The following IGFN1 variants were observed in gnomAD, a reference collection of about 807,000 sequenced individuals.
IGFN1 encodes immunoglobulin like and fibronectin type III domain containing 1.
Under a neutral mutation model 289.5 loss-of-function variants are expected in IGFN1, and 253 were observed. The observed-to-expected ratio is 0.87, with a 90% CI of 0.79 to 0.97. The LOEUF (loss-of-function observed/expected upper bound fraction) is 0.97, where lower values mean the gene tolerates loss of function less well. IGFN1 is among the 50% of genes least tolerant of loss of function. IGFN1 has a pLI of 0.00. For synonymous variants in IGFN1, 1,706 were observed against 1,788.5 expected, an observed-to-expected ratio of 0.95 and a Z score of 1.16; for missense variants, 4,470 against 4,686.1, an observed-to-expected ratio of 0.95 and a Z score of 1.35.
chr1:201,212,846 C>T lies in IGFN1; in HGVS notation c.7953C>T (p.Ser2651=), dbSNP rs137917527. 45 of 1,551,246 alleles carry T rather than the reference C, an allele frequency of 2.9e-5. No individual in the cohort carries two copies. Among genetic ancestry groups the T allele is most frequent in the Middle Eastern group, 1.7e-4 (1 of 5,986 alleles). Residue 2651 remains serine, a synonymous_variant, in exon 12 of 24, where the codon TCC becomes TCT. Coordinates refer to ENST00000335211, the MANE Select transcript of IGFN1 (RefSeq NM_001164586.2). The stretch of plus-strand genomic sequence containing the variant: ...AGCAGCCCGCAGGCTCCAGAGCTTC[C>T]GGTTCTCTGCAGGAGAAAGATGCCG... The part of the protein sequence containing the change: ...AGKQPAGSRA[S]GSLQEKDAAF...
rs1321069109 is a variant in IGFN1 at position 201,221,301 on chromosome 1, G to A, written c.9899-143G>A. Reference sequence around the variant, plus strand: ...GGTTACAGTAAGAATTTGGAACAAGGTAGGTGCTTCAGGAAGAATCTAAAG... The same window carrying A: ...GGTTACAGTAAGAATTTGGAACAAGATAGGTGCTTCAGGAAGAATCTAAAG... On this transcript the variant is annotated intron_variant, in intron 18 of 23. Coordinates refer to ENST00000335211, the MANE Select transcript of IGFN1 (RefSeq NM_001164586.2). The A allele has an allele frequency of 7.7e-6, 5 of 648,642 alleles. No individual in the cohort carries two copies. The East Asian group carries it at 1.2e-4, about 15-fold the overall frequency. 40.2% of individuals were successfully genotyped at this position (648,642 alleles called of 1,614,324 possible).
intron 7 of IGFN1, 68 bp downstream of exon 7, chr1:201,199,722 A>C: frequency 7.1e-7 from 1 of 1,399,510 alleles, no homozygotes; most frequent in Non-Finnish European, 9.8e-7. Flanking sequence ...CTATTTCCAT[A>C]AGTAAGCTGG....
At chr1:201,222,577 T>C (rs1653801182) in intron 19 of IGFN1, 162 bp from the exon 20 acceptor site, 1 of 533,308 alleles carries the variant, frequency 1.9e-6, no homozygotes, top group African/African-American at 1.9e-5. Flanking sequence ...AAGATTCTGC[T>C]CCCAGCTGTA....
At chr1:201,217,158 C>A in intron 16 of IGFN1, 129 bp from the exon 17 acceptor site, 1 of 809,990 alleles carries the variant, frequency 1.2e-6, no homozygotes, top group Non-Finnish European at 2.0e-6. Flanking sequence ...CTGCCTCAGC[C>A]CCGACACTCA....
At position 201,210,924 on chromosome 1, in the gene IGFN1, G is replaced by A. The variant is rs1373001007; in HGVS notation, c.6031G>A (p.Gly2011Arg). The A allele has an allele frequency of 2.1e-6, 2 of 966,068 alleles. No individual in the cohort carries two copies. Among genetic ancestry groups the A allele is most frequent in the African/African-American group, 3.2e-5 (2 of 63,422 alleles). The allele number at this position is 966,068 out of a possible 1,614,324, so 59.8% of individuals were successfully genotyped here. A position where few individuals can be genotyped will look rare whatever the true frequency, so the allele number is the denominator to read the frequency against. ...GGGGGCTCCTGAGGGAATAGGTTCA[G>A]GGAGTAAGGCAGGTTTCAGGGATGG... ...DLGAPEGIGS[G>R]SKAGFRDGLG... Residue 2011 changes from glycine to arginine, a missense_variant, in exon 12 of 24, where the codon GGG becomes AGG. Coordinates refer to ENST00000335211, the MANE Select transcript of IGFN1 (RefSeq NM_001164586.2).
chr1:201,212,484 A>G lies in IGFN1; in HGVS notation c.7591A>G (p.Lys2531Glu), dbSNP rs1375169720. ...GGGGGCTTCTGGGTTTCTTGATGGCAAGGGGGCAGTGGAAGGTGAGACCTG... is the reference window on the plus strand; with the variant it reads ...GGGGGCTTCTGGGTTTCTTGATGGCGAGGGGGCAGTGGAAGGTGAGACCTG... ...IMGASGFLDG[K>E]GAVEGETWAG... Residue 2531 changes from lysine to glutamate, a missense_variant, in exon 12 of 24, where the codon AAG (lysine) becomes GAG (glutamate). Coordinates refer to ENST00000335211, the MANE Select transcript of IGFN1 (RefSeq NM_001164586.2). The G allele has an allele frequency of 9.1e-6, 14 of 1,541,088 alleles. No individual in the cohort carries two copies. The highest frequency in any genetic ancestry group is 1.2e-5 in the Non-Finnish European group (14 of 1,146,802).
In IGFN1 at chr1:201,206,668, C is replaced by T. The variant is rs566299373; in HGVS notation, c.1775C>T (p.Ala592Val). The T allele has an allele frequency of 5.9e-6, 9 of 1,537,122 alleles. No individual in the cohort carries two copies. Among genetic ancestry groups the T allele is most frequent in the Non-Finnish European group, 7.0e-6 (8 of 1,146,890 alleles). Reference protein sequence around the residue: ...GDSGRQLDRHAPEQLWDARLG... With the variant: ...GDSGRQLDRHVPEQLWDARLG... ...AGTGGAAGACAACTGGACAGGCATG[C>T]CCCAGAGCAACTGTGGGATGCTCGA... is the stretch of plus-strand genomic sequence containing the variant. Residue 592 changes from alanine (A) to valine (V), a missense_variant, in exon 12 of 24, where the codon GCC becomes GTC. This residue lies in a region of IGFN1 where 2,011 missense variants were observed against 1,953.4 expected (regional missense o/e 1.03). Transcript: ENST00000335211.
chr1:201,197,330 C>G lies in IGFN1; in HGVS notation c.367+13C>G. ...ACTGTCATCGAAGGTGGGCTTTTCC[C>G]TGAGTTTGTCTCATCAGTGCACAGG... On this transcript the variant is annotated intron_variant, in intron 5 of 23. Coordinates refer to ENST00000335211, the MANE Select transcript of IGFN1 (RefSeq NM_001164586.2). The G allele has an allele frequency of 1.3e-6, 2 of 1,507,296 alleles. No homozygotes were observed. The allele number at this position is 1,507,296 out of a possible 1,614,324, so 93.4% of individuals were successfully genotyped here.
Position 201,224,711 on chromosome 1 carries a change from G to C in IGFN1, c.10323G>C (p.Lys3441Asn). 1 of 1,614,194 alleles carries C rather than the reference G, an allele frequency of 6.2e-7. No homozygotes were observed. The highest frequency in any genetic ancestry group is 8.5e-7 in the Non-Finnish European group (1 of 1,180,026). Residue 3441 changes from lysine to asparagine, a missense_variant, in exon 21 of 24, where the codon AAG (lysine) becomes AAC (asparagine). Lys to Asn is a moderately conservative substitution (Grantham distance 94). Coordinates refer to ENST00000335211, the MANE Select transcript of IGFN1 (RefSeq NM_001164586.2). ...AMPMPEVTWL[K>N]DGLPLPKRSV... ...CCATGCCTGAGGTGACCTGGCTGAA[G>C]GATGGCTTGCCCTTGCCCAAAAGAA...
At chr1:201,203,517 A>T (rs1667250639) in intron 9 of IGFN1, among the ~76,000 whole-genome samples, 1 of 152,174 alleles carries the variant, frequency 6.6e-6, no homozygotes, top group African/African-American at 2.4e-5. Context: ...CACTCCATGG[A>T]CATTCCTAGA....
At position 201,209,941 on chromosome 1, in the gene IGFN1, G is replaced by T; in HGVS notation, c.5048G>T (p.Gly1683Val). 1.1e-5 allele frequency: 16 copies of T among 1,480,090 alleles called. No homozygotes were observed. Among genetic ancestry groups the T allele is most frequent in the Non-Finnish European group, 1.4e-5 (16 of 1,104,322 alleles). 91.7% of individuals were successfully genotyped at this position (1,480,090 alleles called of 1,614,324 possible). A position where few individuals can be genotyped will look rare whatever the true frequency, so the allele number is the denominator to read the frequency against. The change falls in exon 12 of 24, where the codon GGA becomes GTA. Residue 1683 changes from glycine to valine, a missense_variant. Around this residue, in one of 8 missense-constraint regions of IGFN1, gnomAD observed 49 missense variants for 62.6 expected, o/e 0.78. Coordinates refer to ENST00000335211, the MANE Select transcript of IGFN1 (RefSeq NM_001164586.2). ...GYRKNLGAPE[G>V]IGSGSKAGFR... ...AGGAAGAATTTGGGGGCTCCTGAGG[G>T]AATAGGTTCAGGGAGTAAGGCAGGT... is the stretch of plus-strand genomic sequence containing the variant.
In IGFN1 at chr1:201,203,877, T is replaced by G; in HGVS notation, c.887T>G (p.Val296Gly). 1 of 1,551,652 alleles carries G rather than the reference T, an allele frequency of 6.4e-7. No individual in the cohort carries two copies. Among genetic ancestry groups the G allele is most frequent in the Non-Finnish European group, 8.7e-7 (1 of 1,146,974 alleles). Residue 296 changes from valine (V) to glycine (G), a missense_variant, in exon 10 of 24, where the codon GTG becomes GGG. This residue lies in a region of IGFN1 where 2,011 missense variants were observed against 1,953.4 expected (regional missense o/e 1.03). Coordinates refer to ENST00000335211, the MANE Select transcript of IGFN1 (RefSeq NM_001164586.2). Reference protein sequence around the residue: ...GIYQVKVEDAVVFSTELEASA... With the variant: ...GIYQVKVEDAGVFSTELEASA... Reference sequence around the variant, plus strand: ...TACCAGGTCAAGGTGGAGGATGCTGTGGTCTTCTCCACAGAACTGGAGGCC... The same window carrying G: ...TACCAGGTCAAGGTGGAGGATGCTGGGGTCTTCTCCACAGAACTGGAGGCC...
At chr1:201,196,128 T>G in intron 4 of IGFN1, 150 bp downstream of exon 4, 1 of 778,942 alleles carries the variant, frequency 1.3e-6, no homozygotes, top group Non-Finnish European at 1.9e-6. Context: ...GACTCAAAGT[T>G]GCCTGAGCCA....
intron 5 of IGFN1, among the ~76,000 whole-genome samples, chr1:201,199,039 C>T (rs12564100): frequency 0.16 from 23,711 of 152,166 alleles, 2,061 homozygotes; most frequent in East Asian, 0.23. Context: ...GTCTGCTTCA[C>T]GCATTTATGC....
chr1:201,203,051 C>T (rs72751160), intron 9 of IGFN1, among the ~76,000 whole-genome samples: 22,566 of 152,038 alleles, frequency 0.15, 1,643 homozygotes, highest in East Asian at 0.27. Context: ...CCATCACACC[C>T]GGCCAGTTCT....
Position 201,225,906 on chromosome 1 carries a change from C to A in IGFN1, c.10569C>A (p.Asp3523Glu), listed in dbSNP as rs567133986. The part of the protein sequence containing the change: ...TVTAEWEPSP[D>E]EAQDVPLHYA... ...CGGCCGAGTGGGAACCCTCTCCTGACGAGGCCCAGGATGTCCCGCTGCACT... is the reference window on the plus strand; with the variant it reads ...CGGCCGAGTGGGAACCCTCTCCTGAAGAGGCCCAGGATGTCCCGCTGCACT... Residue 3523 changes from aspartate to glutamate, a missense_variant, in exon 22 of 24, where the codon GAC (aspartate) becomes GAA (glutamate). Physicochemically the swap from Asp to Glu is conservative, Grantham distance 45. Coordinates refer to ENST00000335211, the MANE Select transcript of IGFN1 (RefSeq NM_001164586.2). 6.2e-7 allele frequency: 1 copy of A among 1,611,020 alleles called. No homozygotes were observed. Among genetic ancestry groups the A allele is most frequent in the South Asian group, 1.1e-5 (1 of 90,564 alleles).
In IGFN1 at chr1:201,215,839, G is replaced by T; in HGVS notation, c.9295+1G>T. Reference sequence around the variant, plus strand: ...GCCGAGCTCACTCTGCAAGTCATAGGTACCAGCCCTGTCTTCCCCCAACTA... The same window carrying T: ...GCCGAGCTCACTCTGCAAGTCATAGTTACCAGCCCTGTCTTCCCCCAACTA... On this transcript the variant is annotated splice_donor_variant, in intron 15 of 23. Transcript: ENST00000335211. LOFTEE classifies it high-confidence loss of function. The T allele has an allele frequency of 6.2e-7, 1 of 1,603,708 alleles. No homozygotes were observed. Among genetic ancestry groups the T allele is most frequent in the Non-Finnish European group, 8.5e-7 (1 of 1,175,252 alleles).
rs1230522010 is a variant in IGFN1, at chr1:201,200,247, GC to G, written c.474del (p.Lys159ArgfsTer13). The G allele has an allele frequency of 1.9e-6, 3 of 1,551,618 alleles. No individual in the cohort carries two copies. Among genetic ancestry groups the G allele is most frequent in the Admixed American group, 2.0e-5 (1 of 51,000 alleles). ...RKLLKKRAPP[A>X]PKKKMDLEQI... Reference sequence around the variant, plus strand: ...AGCCTTGCTCCCCAGGGCCCCACCAGCCCCCAAGAAAAAGATGGACCTTGAG... The same window carrying G: ...AGCCTTGCTCCCCAGGGCCCCACCAGCCCCAAGAAAAAGATGGACCTTGAG... On this transcript the variant is annotated frameshift_variant, in exon 8 of 24. Coordinates refer to ENST00000335211, the MANE Select transcript of IGFN1 (RefSeq NM_001164586.2). LOFTEE classifies it high-confidence loss of function.
In IGFN1 at chr1:201,221,669, G is replaced by A. The variant is rs141949142; in HGVS notation, c.10124G>A (p.Arg3375Gln). ...GLRPGEGYFV[R>Q]VTAVNEGGQS... Reference sequence around the variant, plus strand: ...CGGCCTGGAGAGGGCTACTTCGTGCGGGTGACAGCAGTTAATGAAGGAGGC... The same window carrying A: ...CGGCCTGGAGAGGGCTACTTCGTGCAGGTGACAGCAGTTAATGAAGGAGGC... The change falls in exon 19 of 24, where the codon CGG (arginine) becomes CAG (glutamine). Residue 3375 changes from arginine to glutamine, a missense_variant. Physicochemically the swap from Arg to Gln is conservative, Grantham distance 43 (BLOSUM62 1). Transcript: ENST00000335211. The A allele has an allele frequency of 1.2e-4, 196 of 1,614,106 alleles. No individual in the cohort carries two copies. The African/African-American group carries it at 1.7e-3, about 14-fold the overall frequency.
Sources: allele counts gnomAD v4.1 joint callset (sites outside exome capture counted in the v4.1 genomes callset), GRCh38; gene constraint gnomAD v4.1.1; regional missense constraint gnomAD v4.1.1; transcripts MANE v1.5; gene names NCBI Gene and HGNC (gene_info 2026-07-23, HGNC 2026-07-21).